Variants in GRID2 observed in about 807,000 individuals in gnomAD.
The protein encoded by GRID2 is glutamate ionotropic receptor delta type subunit 2.
In GRID2, 33 loss-of-function variants were observed where a neutral mutation model predicts 114.8. That is an observed-to-expected ratio of 0.29 (90% CI 0.22 to 0.38). GRID2 has a LOEUF of 0.38. GRID2 is among the 10% of genes least tolerant of loss of function. The probability of loss-of-function intolerance (pLI) is 1.00; values close to 1 mark genes in which losing one functional copy is unlikely to be tolerated. For missense variants in GRID2, 1,184 were observed against 1,257.7 expected (o/e 0.94, Z 0.89); for synonymous variants, 505 against 449.9 (o/e 1.12, Z -1.55).
At chr4:92,614,128 T>C (rs1729886528) in intron 2 of GRID2, among the ~76,000 whole-genome samples, 1 of 151,504 alleles carries the variant, frequency 6.6e-6, no homozygotes, top group Non-Finnish European at 1.5e-5. Context: ...CACTGGAACT[T>C]ATTCATTTTA....
At chr4:92,964,764 A>G (rs1216164356) in intron 2 of GRID2, among the ~76,000 whole-genome samples, 9 of 151,972 alleles carry the variant, frequency 5.9e-5, no homozygotes, top group Non-Finnish European at 1.2e-4. Context: ...CAGACTTCAG[A>G]GAATTGAAAA....
Position 92,411,651 on chromosome 4 carries a change from G to GTATA in GRID2, c.88+106908_88+106909insATAT, listed in dbSNP as rs1365702947. 1.0e-3 allele frequency among the ~76,000 whole-genome samples: 101 copies of GTATA among 96,332 alleles called. 1 individual carries two copies. The highest frequency in any genetic ancestry group is 0.01 in the Middle Eastern group (2 of 192). The allele number at this position is 96,332 out of a possible 152,430, so 63.2% of individuals were successfully genotyped here. A position where few individuals can be genotyped will look rare whatever the true frequency, so the allele number is the denominator to read the frequency against. Reference sequence around the variant, plus strand: ...TGTGTGTGTGTGTGTGTGTGTGTGTGTGTGTATATATATATATATATATAT... The same window carrying GTATA: ...TGTGTGTGTGTGTGTGTGTGTGTGTGTATATGTGTATATATATATATATATATAT... On this transcript the variant is annotated intron_variant, in intron 1 of 15. Coordinates refer to ENST00000282020, the MANE Select transcript of GRID2 (RefSeq NM_001510.4).
At chr4:93,168,772 A>G (rs1738510137) in intron 4 of GRID2, among the ~76,000 whole-genome samples, 1 of 149,812 alleles carries the variant, frequency 6.7e-6, no homozygotes, top group Admixed American at 6.6e-5. Context: ...GCTATTACAT[A>G]TATAATTTCT....
intron 1 of GRID2, among the ~76,000 whole-genome samples, chr4:92,586,944 T>C (rs907304752): frequency 6.6e-6 from 1 of 152,006 alleles, no homozygotes; most frequent in African/African-American, 2.4e-5. Context: ...TCTCCCCCCA[T>C]AAAAGGAACA....
chr4:93,646,458 A>G (rs1165627728), intron 14 of GRID2, among the ~76,000 whole-genome samples: 1 of 152,200 alleles, frequency 6.6e-6, no homozygotes, highest in Non-Finnish European at 1.5e-5. Flanking sequence ...AGGCAGTCAT[A>G]TAAAAGGAGA....
intron 1 of GRID2, among the ~76,000 whole-genome samples, chr4:92,517,056 A>G (rs1010170381): frequency 2.1e-5 from 3 of 143,326 alleles, no homozygotes; most frequent in African/African-American, 4.9e-5. Flanking sequence ...TATTTTGAAG[A>G]CTTTTTTCAC....
intron 2 of GRID2, among the ~76,000 whole-genome samples, chr4:92,715,318 G>T (rs1735483715): frequency 6.6e-6 from 1 of 152,018 alleles, no homozygotes; most frequent in South Asian, 2.1e-4. Context: ...CAGCATTTTG[G>T]TCAAAGCCAT....
In GRID2 at chr4:93,611,970, C is replaced by G. The variant is rs949577758; in HGVS notation, c.2194-14299C>G. Among the ~76,000 whole-genome samples, 155 of 147,266 alleles carry G rather than the reference C, an allele frequency of 1.1e-3. 5 individuals are homozygous for G. The South Asian group carries it at 0.017, about 16-fold the overall frequency. ...AGTCTAAGTCTCTTTGTAGGTCACT[C>G]AGGACTTGCTTTATGAATCTGGGTG... On this transcript the variant is annotated intron_variant, in intron 13 of 15. Coordinates refer to ENST00000282020, the MANE Select transcript of GRID2 (RefSeq NM_001510.4).
At chr4:92,705,350 C>G (rs1190585241) in intron 2 of GRID2, among the ~76,000 whole-genome samples, 1 of 152,110 alleles carries the variant, frequency 6.6e-6, no homozygotes, top group Non-Finnish European at 1.5e-5. Context: ...ATTCTTTCGA[C>G]ATTTATTTAT....
chr4:92,418,831 A>G (rs1731749624), intron 1 of GRID2, among the ~76,000 whole-genome samples: 1 of 152,018 alleles, frequency 6.6e-6, no homozygotes, highest in South Asian at 2.1e-4. Context: ...CTGGCCTCAT[A>G]TTTCTATAGA....
chr4:92,572,535 A>T (rs111850594), intron 1 of GRID2, among the ~76,000 whole-genome samples: 21,089 of 151,972 alleles, frequency 0.14, 2,370 homozygotes, highest in African/African-American at 0.31. Context: ...ACTCATTTTA[A>T]GAGGCCAGCA....
intron 1 of GRID2, among the ~76,000 whole-genome samples, chr4:92,468,929 AG>A (rs1721888478): frequency 6.6e-6 from 1 of 152,142 alleles, no homozygotes; most frequent in African/African-American, 2.4e-5. Context: ...TCCAGAGACA[AG>A]GCACTGTGAA....
In GRID2 at chr4:92,681,424, C is replaced by G. The variant is rs553760395; in HGVS notation, c.244+91138C>G. ...TGTGGTGTTTGGTTTTTTGTCCTTG[C>G]GATAGTTTGCTGAGAATGATGGTTT... On this transcript the variant is annotated intron_variant, in intron 2 of 15. Coordinates refer to ENST00000282020, the MANE Select transcript of GRID2 (RefSeq NM_001510.4). 3.3e-5 allele frequency among the ~76,000 whole-genome samples: 5 copies of G among 151,992 alleles called. No homozygotes were observed. The South Asian group carries it at 1.0e-3, about 32-fold the overall frequency.
chr4:93,705,482 C>T (rs1727916216), intron 14 of GRID2, among the ~76,000 whole-genome samples: 1 of 151,968 alleles, frequency 6.6e-6, no homozygotes, highest in Admixed American at 6.6e-5. Context: ...CAGGCACCCA[C>T]CACCATGCCC....
At chr4:93,776,243 T>G (rs1734367521), downstream of GRID2, among the ~76,000 whole-genome samples, 1 of 152,184 alleles carries the variant, frequency 6.6e-6, no homozygotes. Flanking sequence ...CAAATATTAA[T>G]AAATGATTAA....
chr4:93,730,819 C>G (rs1233037544), intron 14 of GRID2, among the ~76,000 whole-genome samples: 2 of 152,240 alleles, frequency 1.3e-5, no homozygotes, highest in African/African-American at 4.8e-5. Context: ...AAGGTGGCCC[C>G]TGCCAAAGGC....
chr4:93,104,872 G>A (rs1732053238), intron 3 of GRID2, among the ~76,000 whole-genome samples: 1 of 151,954 alleles, frequency 6.6e-6, no homozygotes, highest in Admixed American at 6.6e-5. Flanking sequence ...AGATCCCTGA[G>A]GAATCGCCAC....
At chr4:92,502,499 C>A (rs1462217364) in intron 1 of GRID2, among the ~76,000 whole-genome samples, 2 of 151,832 alleles carry the variant, frequency 1.3e-5, no homozygotes, top group East Asian at 3.9e-4. Context: ...CATGCAACTA[C>A]ATGATACATT....
intron 2 of GRID2, among the ~76,000 whole-genome samples, chr4:92,627,940 A>G (rs981329733): frequency 6.6e-6 from 1 of 152,144 alleles, no homozygotes; most frequent in African/African-American, 2.4e-5. Flanking sequence ...TACTGAGTGC[A>G]GAGTTAAAAG....
Sources: gnomAD v4.1 joint callset for allele counts (sites outside exome capture counted in the v4.1 genomes callset) on GRCh38, gnomAD v4.1.1 for gene constraint, MANE v1.5 for transcripts, NCBI Gene and HGNC (gene_info 2026-07-23, HGNC 2026-07-21) for gene names.